NREP: variants seen among roughly 807,000 people sequenced by gnomAD.
NREP encodes the protein neuronal regeneration-related protein.
A neutral mutation model predicts 8.6 loss-of-function variants in NREP; 5 were observed. The ratio of observed to expected loss-of-function variants is 0.58; its 90% CI spans 0.30 to 1.22. The LOEUF (loss-of-function observed/expected upper bound fraction) is 1.22, where lower values mean the gene tolerates loss of function less well. NREP is among the 50% of genes most tolerant of loss of function. The probability of loss-of-function intolerance (pLI) is 0.07; values close to 1 mark genes in which losing one functional copy is unlikely to be tolerated. For missense variants in NREP, 86 were observed against 82.5 expected, an observed-to-expected ratio of 1.04 and a Z score of -0.17; for synonymous variants, 27 against 28.0, an observed-to-expected ratio of 0.96 and a Z score of 0.11.
At chr5:111,762,414 G>A (rs1009876587), upstream of NREP, among the ~76,000 whole-genome samples, 2 of 151,990 alleles carry the variant, frequency 1.3e-5, no homozygotes, top group African/African-American at 4.8e-5. Context: ...TTTTCCTCAT[G>A]CTTCCTTCCT....
At chr5:111,949,081 CT>C (rs1460301042) in intron 2 of NREP, 3 of 152,148 alleles carry the variant, frequency 2.0e-5, no homozygotes, top group African/African-American at 7.2e-5. Context: ...TCTGGAAACC[CT>C]TTCTTTCTTT....
intron 2 of NREP, among the ~76,000 whole-genome samples, chr5:111,852,205 A>G (rs776526781): frequency 5.9e-5 from 9 of 152,114 alleles, no homozygotes; most frequent in Non-Finnish European, 1.0e-4. Context: ...TTTTCTCCCA[A>G]TGGTGGTGGA....
chr5:111,752,153 TATG>T (rs1222414195), intron 2 of NREP, among the ~76,000 whole-genome samples: 1 of 152,242 alleles, frequency 6.6e-6, no homozygotes, highest in Non-Finnish European at 1.5e-5. Flanking sequence ...TCAATGTATT[TATG>T]ATGATGATCT....
At chr5:111,942,412 T>C (rs1181414522) in intron 2 of NREP, among the ~76,000 whole-genome samples, 1 of 152,006 alleles carries the variant, frequency 6.6e-6, no homozygotes, top group African/African-American at 2.4e-5. Flanking sequence ...TTAAAAACAG[T>C]CCCTAAAATA....
intron 2 of NREP, among the ~76,000 whole-genome samples, chr5:111,769,981 T>G (rs1453436730): frequency 6.6e-6 from 1 of 152,154 alleles, no homozygotes; most frequent in African/African-American, 2.4e-5. Context: ...GCAAAGGTAC[T>G]CACGCATGAA....
intron 2 of NREP, among the ~76,000 whole-genome samples, chr5:111,832,541 C>T (rs1752797570): frequency 6.6e-6 from 1 of 152,048 alleles, no homozygotes; most frequent in Non-Finnish European, 1.5e-5. Flanking sequence ...AGAACACAAA[C>T]AAACAAAAGA....
chr5:111,861,689 T>G (rs1424919524), intron 2 of NREP, among the ~76,000 whole-genome samples: 1 of 152,202 alleles, frequency 6.6e-6, no homozygotes, highest in Non-Finnish European at 1.5e-5. Flanking sequence ...TAGACTCTAG[T>G]CTGAAATACA....
At chr5:111,906,122 C>A (rs1447197162) in intron 2 of NREP, among the ~76,000 whole-genome samples, 2 of 151,990 alleles carry the variant, frequency 1.3e-5, no homozygotes, top group African/African-American at 4.8e-5. Context: ...CATTTGGTAA[C>A]CCATCATAAG....
intron 2 of NREP, among the ~76,000 whole-genome samples, chr5:111,745,930 G>C (rs1223701802): frequency 2.0e-5 from 3 of 152,040 alleles, no homozygotes; most frequent in African/African-American, 7.2e-5. Flanking sequence ...GATGCAGATG[G>C]GGCAACAAAC....
intron 2 of NREP, among the ~76,000 whole-genome samples, chr5:111,832,127 G>A (rs1752783540): frequency 6.6e-6 from 1 of 152,178 alleles, no homozygotes; most frequent in African/African-American, 2.4e-5. Flanking sequence ...CTTTGTGGCA[G>A]TGGAGGTAGA....
At chr5:111,826,135 A>G (rs1752618340) in intron 2 of NREP, among the ~76,000 whole-genome samples, 1 of 151,932 alleles carries the variant, frequency 6.6e-6, no homozygotes, top group Non-Finnish European at 1.5e-5. Flanking sequence ...GAGAACTTTT[A>G]TGTCTAGCTG....
intron 2 of NREP, among the ~76,000 whole-genome samples, chr5:111,742,434 G>T (rs950922174): frequency 2.0e-5 from 3 of 152,054 alleles, no homozygotes; most frequent in Admixed American, 2.0e-4. Context: ...GCAACAAAAT[G>T]AAAGTGTTTA....
chr5:111,788,096 C>T (rs189103258), intron 2 of NREP, among the ~76,000 whole-genome samples: 3 of 152,044 alleles, frequency 2.0e-5, no homozygotes, highest in African/African-American at 7.2e-5. Flanking sequence ...ATCTCAACAA[C>T]AACAACAAGA....
intron 2 of NREP, among the ~76,000 whole-genome samples, chr5:111,736,642 T>C (rs1749147909): frequency 6.6e-6 from 1 of 152,208 alleles, no homozygotes; most frequent in African/African-American, 2.4e-5. Context: ...GAAATGTAGA[T>C]GGCTAAGTGT....
chr5:111,853,306 G>A (rs181319335), intron 2 of NREP, among the ~76,000 whole-genome samples: 28 of 152,192 alleles, frequency 1.8e-4, no homozygotes, highest in Admixed American at 1.6e-3. Context: ...TTATCGTACT[G>A]CAGTGGTGGA....
chr5:111,811,501 C>G (rs1007695454), intron 2 of NREP, among the ~76,000 whole-genome samples: 12 of 152,144 alleles, frequency 7.9e-5, no homozygotes, highest in Admixed American at 4.6e-4. Flanking sequence ...CATACACACT[C>G]AAAATATAAC....
At chr5:111,791,546 T>G (rs949131543) in intron 2 of NREP, among the ~76,000 whole-genome samples, 6 of 152,172 alleles carry the variant, frequency 3.9e-5, no homozygotes, top group Admixed American at 2.6e-4. Context: ...TGGTGACATG[T>G]CAGCTCACTG....
chr5:111,925,320 G>A (rs1193109967), intron 2 of NREP, among the ~76,000 whole-genome samples: 5 of 152,100 alleles, frequency 3.3e-5, no homozygotes, highest in East Asian at 3.9e-4. Context: ...GCCACAGGCT[G>A]GACAGGGTCG....
chr5:111,930,422 A>C (rs1294489063), intron 2 of NREP, among the ~76,000 whole-genome samples: 1 of 152,156 alleles, frequency 6.6e-6, no homozygotes, highest in Non-Finnish European at 1.5e-5. Context: ...TTCTATCAAC[A>C]CTGGATATTG....
Sources: gnomAD v4.1 joint callset for allele counts (sites outside exome capture counted in the v4.1 genomes callset) on GRCh38, gnomAD v4.1.1 for gene constraint, MANE v1.5 for transcripts, NCBI Gene and HGNC (gene_info 2026-07-23, HGNC 2026-07-21) for gene names.